Variants in MOCOS observed in about 807,000 individuals in gnomAD.
The protein encoded by MOCOS is molybdenum cofactor sulfurase, also known as human molybdenum cofactor sulfurase.
MOCOS carries 86 observed loss-of-function variants against 83.6 expected under a neutral mutation model. The ratio of observed to expected loss-of-function variants is 1.03; its 90% CI spans 0.86 to 1.23. The LOEUF is 1.23. Ranked by LOEUF, MOCOS falls within the 50% of genes most tolerant of loss-of-function variation. The pLI, the probability that MOCOS is intolerant of heterozygous loss-of-function variation, is 0.00. For synonymous variants in MOCOS, 445 were observed against 434.7 expected, an observed-to-expected ratio of 1.02 and a Z score of -0.29; for missense variants, 1,120 against 1,126.9, an observed-to-expected ratio of 0.99 and a Z score of 0.09.
intron 11 of MOCOS, among the ~76,000 whole-genome samples, chr18:36,256,364 G>C (rs1455333584): frequency 6.6e-6 from 1 of 152,206 alleles, no homozygotes; most frequent in Admixed American, 6.5e-5. Flanking sequence ...GGATGCGCCT[G>C]CTGTCATCCC....
At chr18:36,242,618 A>G (rs1388908838) in intron 9 of MOCOS, among the ~76,000 whole-genome samples, 1 of 152,254 alleles carries the variant, frequency 6.6e-6, no homozygotes, top group Non-Finnish European at 1.5e-5. Flanking sequence ...TTATAAAGGA[A>G]GCAGTTTAAT....
At position 36,200,247 on chromosome 18, in the gene MOCOS, C is replaced by A; in HGVS notation, c.864C>A (p.Thr288=). ...HNRAAPLLRK[T]YFGGGTASAY... ...GTGCGGCTCCTCTACTGAGGAAGACCTACTTTGGAGGAGGGACAGCCTCTG... is the reference window on the plus strand; with the variant it reads ...GTGCGGCTCCTCTACTGAGGAAGACATACTTTGGAGGAGGGACAGCCTCTG... Residue 288 remains threonine, a synonymous_variant, in exon 4 of 15, where the codon ACC becomes ACA. Coordinates refer to ENST00000261326, the MANE Select transcript of MOCOS (RefSeq NM_017947.4). The A allele has an allele frequency of 1.2e-6, 2 of 1,614,140 alleles. No homozygotes were observed. Among genetic ancestry groups the A allele is most frequent in the Non-Finnish European group, 1.7e-6 (2 of 1,180,020 alleles).
chr18:36,267,360 AG>A (rs1265990771), intron 14 of MOCOS, among the ~76,000 whole-genome samples: 1 of 152,234 alleles, frequency 6.6e-6, no homozygotes, highest in Non-Finnish European at 1.5e-5. Context: ...ATTTATTTTC[AG>A]GCTTATACTT....
chr18:36,257,156 G>C, intron 12 of MOCOS, 83 bp downstream of exon 12: 1 of 1,182,432 alleles, frequency 8.5e-7, no homozygotes. Flanking sequence ...CTGGAGCGGA[G>C]AGATCTGAGA....
rs2091372524 is a variant in MOCOS, at chr18:36,193,100, A to C, written c.143-2157A>C. On this transcript the variant is annotated intron_variant, in intron 1 of 14. Coordinates refer to ENST00000261326, the MANE Select transcript of MOCOS (RefSeq NM_017947.4). ...GCTGAGGCGGGTGGATCATGAGGTC[A>C]GGAGATCGAGACCATCCTGGCTAAC... 2.0e-5 allele frequency among the ~76,000 whole-genome samples: 3 copies of C among 150,450 alleles called. No individual in the cohort carries two copies. The South Asian group carries it at 6.4e-4, about 32-fold the overall frequency.
intron 2 of MOCOS, among the ~76,000 whole-genome samples, chr18:36,197,523 G>T (rs566228700): frequency 2.0e-5 from 3 of 151,874 alleles, no homozygotes; most frequent in African/African-American, 4.8e-5. Context: ...CCAGTGCTTT[G>T]GTAGGTCAAG....
rs146643915 is a variant in MOCOS, at chr18:36,206,638, C to T, written c.1218+1362C>T. 2.2e-4 allele frequency among the ~76,000 whole-genome samples: 33 copies of T among 152,310 alleles called. No individual in the cohort carries two copies. In the East Asian group the frequency reaches 6.0e-3, roughly 28 times the overall value. On this transcript the variant is annotated intron_variant, in intron 6 of 14. Transcript: ENST00000261326. ...TAGTTTCTCAATCTTCCCCTCCCCC[C>T]ACCTTCTACCCTCAAGTAGGCCCCG... is the stretch of plus-strand genomic sequence containing the variant.
At chr18:36,248,642 TTTC>T (rs1294952454) in intron 9 of MOCOS, among the ~76,000 whole-genome samples, 3 of 152,222 alleles carry the variant, frequency 2.0e-5, no homozygotes, top group Non-Finnish European at 4.4e-5. Context: ...GGGGTCTAGT[TTTC>T]TTCTTCTGCA....
intron 6 of MOCOS, among the ~76,000 whole-genome samples, chr18:36,213,129 C>T (rs1026648200): frequency 5.3e-5 from 8 of 152,176 alleles, no homozygotes; most frequent in Admixed American, 2.6e-4. Flanking sequence ...AATAACACTT[C>T]GCGGGGCCTG....
intron 8 of MOCOS, among the ~76,000 whole-genome samples, chr18:36,216,419 G>C (rs538952505): frequency 1.3e-5 from 2 of 152,352 alleles, no homozygotes; most frequent in Admixed American, 1.3e-4. Flanking sequence ...ACAAGAGCCA[G>C]CTTGAAGGAG....
chr18:36,194,540 A>G (rs1326142119), intron 1 of MOCOS, among the ~76,000 whole-genome samples: 4 of 152,210 alleles, frequency 2.6e-5, no homozygotes, highest in Non-Finnish European at 4.4e-5. Context: ...AAGTGTGGGT[A>G]TTTGTAAGAT....
chr18:36,265,347 T>C (rs1485831037), intron 13 of MOCOS, among the ~76,000 whole-genome samples: 8 of 152,244 alleles, frequency 5.3e-5, no homozygotes. Context: ...ATGAACTCCC[T>C]GCCTTCGTGC....
At chr18:36,236,917 G>A (rs945488451) in intron 9 of MOCOS, among the ~76,000 whole-genome samples, 1 of 152,034 alleles carries the variant, frequency 6.6e-6, no homozygotes, top group Non-Finnish European at 1.5e-5. Context: ...GTTCACTCAT[G>A]ATTTGGCTCT....
chr18:36,193,389 A>G (rs946225734), intron 1 of MOCOS, among the ~76,000 whole-genome samples: 13 of 151,216 alleles, frequency 8.6e-5, no homozygotes, highest in South Asian at 2.1e-4. Flanking sequence ...TATTGGCATA[A>G]GTATACACAT....
chr18:36,229,627 A>G (rs775428402), intron 9 of MOCOS, among the ~76,000 whole-genome samples: 2 of 152,112 alleles, frequency 1.3e-5, no homozygotes, highest in African/African-American at 2.4e-5. Context: ...TTAGACTCCC[A>G]TAATGTATAT....
At chr18:36,188,464 A>G (rs1316553708) in intron 1 of MOCOS, among the ~76,000 whole-genome samples, 2 of 152,188 alleles carry the variant, frequency 1.3e-5, no homozygotes, top group Non-Finnish European at 2.9e-5. Context: ...GCCAGGGCCC[A>G]AGTTCGTGAC....
intron 11 of MOCOS, among the ~76,000 whole-genome samples, chr18:36,256,143 C>T (rs1339951335): frequency 2.6e-5 from 4 of 152,194 alleles, no homozygotes; most frequent in South Asian, 2.1e-4. Flanking sequence ...CCTCCTGCCT[C>T]GGCCTCCCAA....
intron 9 of MOCOS, among the ~76,000 whole-genome samples, chr18:36,241,703 A>G (rs2091583673): frequency 6.6e-6 from 1 of 151,938 alleles, no homozygotes; most frequent in East Asian, 1.9e-4. Context: ...TGAGGGATCC[A>G]CCCCTGTGCA....
intron 9 of MOCOS, among the ~76,000 whole-genome samples, chr18:36,227,868 A>C (rs1259746893): frequency 6.6e-6 from 1 of 152,252 alleles, no homozygotes; most frequent in Non-Finnish European, 1.5e-5. Context: ...GCTTCTGCAC[A>C]GCAAAAGGAA....
Sources: gnomAD v4.1 joint callset for allele counts (sites outside exome capture counted in the v4.1 genomes callset) on GRCh38, gnomAD v4.1.1 for gene constraint, MANE v1.5 for transcripts, NCBI Gene and HGNC (gene_info 2026-07-23, HGNC 2026-07-21) for gene names.